Variants in CCPG1 observed in about 807,000 individuals in gnomAD.
CCPG1 encodes the protein cell cycle progression 1.
CCPG1 carries 46 observed loss-of-function variants against 81.3 expected under a neutral mutation model. That is an observed-to-expected ratio of 0.57 (90% CI 0.45 to 0.72). The LOEUF (loss-of-function observed/expected upper bound fraction) is 0.72. CCPG1 is among the 30% of genes least tolerant of loss of function. The pLI, the probability that CCPG1 is intolerant of heterozygous loss-of-function variation, is 0.00. For missense variants in CCPG1, 902 were observed against 937.6 expected (o/e 0.96, Z 0.50); for synonymous variants, 330 against 305.2 (o/e 1.08, Z -0.85).
chr15:55,377,713 T>C lies in CCPG1; in HGVS notation c.253-563A>G, dbSNP rs1160131418. On this transcript the variant is annotated intron_variant, in intron 4 of 8. Transcript: ENST00000442196. ...TAAGGTCTTTATAAAACAGGCTTCA[T>C]GCAGCATCCAGCCTTTTTTTGCCCA... 2.0e-5 allele frequency among the ~76,000 whole-genome samples: 3 copies of C among 152,352 alleles called. 1 individual carries two copies. The highest frequency in any genetic ancestry group is 7.2e-5 in the African/African-American group (3 of 41,598).
chr15:55,389,068 C>CAAAAGAAAAA (rs2056861293), intron 2 of CCPG1, among the ~76,000 whole-genome samples: 1 of 56,268 alleles, frequency 1.8e-5, no homozygotes, highest in African/African-American at 7.1e-5. Flanking sequence ...GACTCTGTCT[C>CAAAAGAAAAA]AAAAAAAAAA....
intron 7 of CCPG1, 75 bp downstream of exon 7, chr15:55,365,110 CTAA>C (rs758515855): frequency 1.9e-5 from 16 of 824,852 alleles, no homozygotes; most frequent in Non-Finnish European, 2.9e-5. Context: ...CTAATCTGCA[CTAA>C]TAAGCACAAT....
At chr15:55,407,079 T>C (rs999246153) in intron 1 of CCPG1, among the ~76,000 whole-genome samples, 14 of 140,746 alleles carry the variant, frequency 9.9e-5, no homozygotes, top group African/African-American at 4.2e-4. Flanking sequence ...AATACAAAAT[T>C]TAGCTGGGCG....
At chr15:55,381,909 C>T (rs1431214236) in intron 3 of CCPG1, among the ~76,000 whole-genome samples, 1 of 152,202 alleles carries the variant, frequency 6.6e-6, no homozygotes, top group African/African-American at 2.4e-5. Context: ...AAGCAAGTCA[C>T]ATGAATTTTT....
In CCPG1 at chr15:55,356,036, G is replaced by A. The variant is rs982335284; in HGVS notation, c.*184C>T. The A allele has an allele frequency of 1.1e-5, 6 of 544,062 alleles. No homozygotes were observed. Among genetic ancestry groups the A allele is most frequent in the Non-Finnish European group, 1.9e-5 (6 of 320,820 alleles). 33.7% of individuals were successfully genotyped at this position (544,062 alleles called of 1,614,324 possible). On this transcript the variant is annotated 3_prime_UTR_variant, in exon 9 of 9. Transcript: ENST00000442196. ...AAAAATTCAACGAAGCTAAACTACA[G>A]GAAAATGCAGGTTAGTAGACTTTTA...
At chr15:55,356,613 A>C (rs947661661) in intron 8 of CCPG1, 1 of 1,237,528 alleles carries the variant, frequency 8.1e-7, no homozygotes, top group African/African-American at 1.6e-5. Flanking sequence ...AAAATAGACA[A>C]TAACTCTACT....
chr15:55,366,640 CAT>C (rs1317442817), intron 6 of CCPG1, among the ~76,000 whole-genome samples: 1 of 152,120 alleles, frequency 6.6e-6, no homozygotes, highest in African/African-American at 2.4e-5. Context: ...GGAGTGGTGG[CAT>C]GTGCCTGTAA....
intron 1 of CCPG1, among the ~76,000 whole-genome samples, chr15:55,399,546 G>A (rs1235397197): frequency 4.6e-5 from 7 of 151,992 alleles, no homozygotes; most frequent in African/African-American, 1.5e-4. Context: ...CCAAGATTGT[G>A]CCACTGCACT....
chr15:55,373,083 G>A (rs774694081), intron 5 of CCPG1: 2 of 509,702 alleles, frequency 3.9e-6, no homozygotes, highest in Middle Eastern at 3.2e-4. Flanking sequence ...GAAAATAATA[G>A]TAGAGAAAAA....
At chr15:55,364,553 G>C (rs1347178114) in intron 7 of CCPG1, among the ~76,000 whole-genome samples, 1 of 150,694 alleles carries the variant, frequency 6.6e-6, no homozygotes, top group Non-Finnish European at 1.5e-5. Context: ...CAATTAATTA[G>C]CTCTCCCAAA....
At chr15:55,358,429 T>C (rs1049442619) in intron 8 of CCPG1, 6 of 985,476 alleles carry the variant, frequency 6.1e-6, no homozygotes, top group Middle Eastern at 5.2e-4. Context: ...AAGTTCTCCA[T>C]GTCCTACAGG....
At chr15:55,368,344 A>G (rs2056374265) in intron 6 of CCPG1, among the ~76,000 whole-genome samples, 1 of 152,184 alleles carries the variant, frequency 6.6e-6, no homozygotes, top group South Asian at 2.1e-4. Context: ...CTGTCGCTGG[A>G]ATGTTCCACC....
chr15:55,360,011 T>G lies in CCPG1; in HGVS notation c.1762A>C (p.Met588Leu). 6.2e-7 allele frequency: 1 copy of G among 1,613,266 alleles called. No homozygotes were observed. Among genetic ancestry groups the G allele is most frequent in the Non-Finnish European group, 8.5e-7 (1 of 1,179,852 alleles). Residue 588 changes from methionine (M) to leucine (L), a missense_variant, in exon 8 of 9, where the codon ATG (methionine) becomes CTG (leucine). Met to Leu is a conservative substitution (Grantham distance 15, BLOSUM62 2). Transcript: ENST00000442196. ...TTTTCTTTCCTTCCATCATTTTGCA[T>G]AGTAGGGCCTCTATTATGATGGTTT... ...TENHHNRGPT[M>L]QNDGRKEKPV...
rs1211776652 is a variant in CCPG1, at chr15:55,367,762, T to G, written c.707-2453A>C. Among the ~76,000 whole-genome samples the G allele has an allele frequency of 2.6e-5, 4 of 152,184 alleles. No individual in the cohort carries two copies. The East Asian group carries it at 7.7e-4, about 29-fold the overall frequency. Reference sequence around the variant, plus strand: ...TCCCCAGTAACCCCAACTCCAAAAGTGAAGCAGCTAGCACATTTTCTACAA... The same window carrying G: ...TCCCCAGTAACCCCAACTCCAAAAGGGAAGCAGCTAGCACATTTTCTACAA... On this transcript the variant is annotated intron_variant, in intron 6 of 8. Coordinates refer to ENST00000442196, the MANE Select transcript of CCPG1 (RefSeq NM_001204450.2).
intron 8 of CCPG1, chr15:55,358,930 T>G: frequency 1.0e-6 from 1 of 964,238 alleles, no homozygotes; most frequent in Non-Finnish European, 1.2e-6. Context: ...GTAAGTTTCA[T>G]GTTACAGAAT....
chr15:55,397,435 GAA>G (rs2057043105), intron 1 of CCPG1, among the ~76,000 whole-genome samples: 1 of 106,434 alleles, frequency 9.4e-6, no homozygotes, highest in African/African-American at 7.1e-5. Context: ...GCAGAAGCAA[GAA>G]GTTCATTTGC....
chr15:55,357,154 G>A, intron 8 of CCPG1: 1 of 958,648 alleles, frequency 1.0e-6, no homozygotes, highest in Non-Finnish European at 1.2e-6. Flanking sequence ...TTGAATGTCA[G>A]TAGTTACCTC....
chr15:55,373,635 GGT>G (rs760781231), intron 5 of CCPG1, among the ~76,000 whole-genome samples: 2 of 152,106 alleles, frequency 1.3e-5, no homozygotes, highest in Non-Finnish European at 2.9e-5. Context: ...CGTCGCCTCA[GGT>G]GTGAGATTAT....
At chr15:55,403,456 A>C (rs1232251594) in intron 1 of CCPG1, among the ~76,000 whole-genome samples, 1 of 152,084 alleles carries the variant, frequency 6.6e-6, no homozygotes, top group Non-Finnish European at 1.5e-5. Flanking sequence ...AAAAATACTT[A>C]ACTCCCACTT....
Sources: gnomAD v4.1 joint callset for allele counts (sites outside exome capture counted in the v4.1 genomes callset) on GRCh38, gnomAD v4.1.1 for gene constraint, MANE v1.5 for transcripts, NCBI Gene and HGNC (gene_info 2026-07-23, HGNC 2026-07-21) for gene names.